Variants in NAPG observed in about 807,000 individuals in gnomAD.
The protein encoded by NAPG is NSF attachment protein gamma.
NAPG carries 25 observed loss-of-function variants against 48.4 expected under a neutral mutation model. That is an observed-to-expected ratio of 0.52 (90% CI 0.38 to 0.72). The LOEUF is 0.72. Ranked by LOEUF, NAPG falls within the 30% of genes least tolerant of loss-of-function variation. NAPG has a pLI of 0.00. For missense variants in NAPG, 359 were observed against 372.5 expected (o/e 0.96, Z 0.30); for synonymous variants, 139 against 127.2 (o/e 1.09, Z -0.62).
intron 2 of NAPG, among the ~76,000 whole-genome samples, chr18:10,532,090 C>T (rs1046061379): frequency 6.6e-6 from 1 of 152,086 alleles, no homozygotes; most frequent in Non-Finnish European, 1.5e-5. Context: ...TTTGTAAGAT[C>T]ATATGTTATA....
At position 10,546,723 on chromosome 18, in the gene NAPG, C is replaced by G. The variant is rs1295939676; in HGVS notation, c.585+319C>G. On this transcript the variant is annotated intron_variant, in intron 9 of 11. Coordinates refer to ENST00000322897, the MANE Select transcript of NAPG (RefSeq NM_003826.3). This position sits in a 1 kb window ranked among gnomAD's most constrained non-coding sequence, Gnocchi z 4.0. ...AGTTTCTCGGGTTTTTTTCCATTTCCTCTTGCAGCATTCATTGCCCTGCCC... is the reference window on the plus strand; with the variant it reads ...AGTTTCTCGGGTTTTTTTCCATTTCGTCTTGCAGCATTCATTGCCCTGCCC... Among the ~76,000 whole-genome samples, 3 of 152,176 alleles carry G rather than the reference C, an allele frequency of 2.0e-5. No homozygotes were observed. The highest frequency in any genetic ancestry group is 7.2e-5 in the African/African-American group (3 of 41,446).
Position 10,546,400 on chromosome 18 carries a change from A to T in NAPG, c.581A>T (p.Tyr194Phe), listed in dbSNP as rs369948664. ...GAAATTGAGAATTATCCAACTTGTT[A>T]TAAGGTATTCTTTGAAAGTGTTTGT... is the stretch of plus-strand genomic sequence containing the variant. ...YKEIENYPTC[Y>F]KKTIAQVLVH... The change falls in exon 9 of 12, where the codon TAT (tyrosine) becomes TTT (phenylalanine). Residue 194 changes from tyrosine (Y) to phenylalanine (F), a missense_variant. Transcript: ENST00000322897. The surrounding 1 kb of genome is among the most constrained non-coding windows in gnomAD (Gnocchi z 4.0). 6.6e-7 allele frequency: 1 copy of T among 1,525,048 alleles called. No homozygotes were observed. The highest frequency in any genetic ancestry group is 1.4e-5 in the African/African-American group (1 of 72,636). 94.5% of individuals were successfully genotyped at this position (1,525,048 alleles called of 1,614,324 possible).
chr18:10,537,986 C>T (rs183702101), intron 5 of NAPG, among the ~76,000 whole-genome samples: 4 of 152,266 alleles, frequency 2.6e-5, no homozygotes, highest in African/African-American at 9.6e-5. Context: ...GTAAACCACC[C>T]ATGAGATGTC....
chr18:10,533,088 A>G (rs1412895401), intron 3 of NAPG: 3 of 320,910 alleles, frequency 9.3e-6, no homozygotes, highest in Non-Finnish European at 1.7e-5. Context: ...TGTGCTGAAG[A>G]ATGAAGAAGT....
chr18:10,534,374 T>C lies in NAPG; in HGVS notation c.228-92T>C. Reference sequence around the variant, plus strand: ...GTGCATGAGCCCATTGTAATTGAAGTCACTTTCCTTACCAGTAGTTCCTCA... The same window carrying C: ...GTGCATGAGCCCATTGTAATTGAAGCCACTTTCCTTACCAGTAGTTCCTCA... On this transcript the variant is annotated intron_variant, in intron 4 of 11. Transcript: ENST00000322897. This position sits in a 1 kb window ranked among gnomAD's most constrained non-coding sequence, Gnocchi z 5.0. The C allele has an allele frequency of 1.0e-6, 1 of 988,502 alleles. No homozygotes were observed. The highest frequency in any genetic ancestry group is 1.6e-6 in the Non-Finnish European group (1 of 621,754). The allele number at this position is 988,502 out of a possible 1,614,324, so 61.2% of individuals were successfully genotyped here. A position where few individuals can be genotyped will look rare whatever the true frequency, so the allele number is the denominator to read the frequency against.
Position 10,546,171 on chromosome 18 carries a change from G to A in NAPG, c.507-155G>A, listed in dbSNP as rs966011035. ...GACATTTGAAAGGTAAGCCAGATGAGCAGAGCATGTGGAAACCTGGGTCCT... is the reference window on the plus strand; with the variant it reads ...GACATTTGAAAGGTAAGCCAGATGAACAGAGCATGTGGAAACCTGGGTCCT... On this transcript the variant is annotated intron_variant, in intron 8 of 11. Transcript: ENST00000322897. The surrounding 1 kb of genome is among the most constrained non-coding windows in gnomAD (Gnocchi z 4.0). Among the ~76,000 whole-genome samples, 1 of 152,126 alleles carries A rather than the reference G, an allele frequency of 6.6e-6. No homozygotes were observed. Among genetic ancestry groups the A allele is most frequent in the Non-Finnish European group, 1.5e-5 (1 of 68,022 alleles).
rs533997006 is a variant in NAPG, at chr18:10,552,637, A to G, written c.*2417A>G. 5 of 152,358 alleles carry G rather than the reference A, an allele frequency of 3.3e-5. No individual in the cohort carries two copies. The South Asian group carries it at 1.0e-3, about 32-fold the overall frequency. The allele number at this position is 152,358 out of a possible 1,614,324, so 9.4% of individuals were successfully genotyped here. On this transcript the variant is annotated 3_prime_UTR_variant, in exon 12 of 12. Coordinates refer to ENST00000322897, the MANE Select transcript of NAPG (RefSeq NM_003826.3). ...CATATGCAGAGTACGGTATTTCTGT[A>G]TGGAATCTGCTTTATTCCTATTTTT... is the stretch of plus-strand genomic sequence containing the variant.
At chr18:10,530,721 T>C in intron 1 of NAPG, 49 bp from the exon 2 acceptor site, 1 of 1,273,834 alleles carries the variant, frequency 7.9e-7, no homozygotes, top group Non-Finnish European at 1.1e-6. Flanking sequence ...GAGATCTGAC[T>C]TATAAATGTG....
intron 1 of NAPG, chr18:10,526,753 C>G (rs1181498915): frequency 6.5e-6 from 1 of 152,770 alleles, no homozygotes; most frequent in African/African-American, 2.4e-5. Context: ...TATGTCCTGC[C>G]ACCTCTGGTA....
chr18:10,546,456 C>A lies in NAPG; in HGVS notation c.585+52C>A. 9.5e-7 allele frequency: 1 copy of A among 1,053,668 alleles called. No individual in the cohort carries two copies. Among genetic ancestry groups the A allele is most frequent in the Non-Finnish European group, 1.4e-6 (1 of 721,730 alleles). 65.3% of individuals were successfully genotyped at this position (1,053,668 alleles called of 1,614,324 possible). On this transcript the variant is annotated intron_variant, in intron 9 of 11. Coordinates refer to ENST00000322897, the MANE Select transcript of NAPG (RefSeq NM_003826.3). This position sits in a 1 kb window ranked among gnomAD's most constrained non-coding sequence, Gnocchi z 4.0. Reference sequence around the variant, plus strand: ...GTATTACATTAGATGATTTTTTATACTGGTATGAATAAGTACTTAAGAAAG... The same window carrying A: ...GTATTACATTAGATGATTTTTTATAATGGTATGAATAAGTACTTAAGAAAG...
At position 10,546,359 on chromosome 18, in the gene NAPG, A is replaced by G; in HGVS notation, c.540A>G (p.Glu180=). ...AGGCGGCACTCTCTATTCAGAAAGA[A>G]AAAAATATTTATAAGGAAATTGAGA... The part of the protein sequence containing the change: ...FDEAALSIQK[E]KNIYKEIENY... Residue 180 remains glutamate (E), a synonymous_variant, in exon 9 of 12, where the codon GAA becomes GAG. Transcript: ENST00000322897. This position sits in a 1 kb window ranked among gnomAD's most constrained non-coding sequence, Gnocchi z 4.0. The G allele has an allele frequency of 6.3e-7, 1 of 1,581,134 alleles. No individual in the cohort carries two copies. Among genetic ancestry groups the G allele is most frequent in the Non-Finnish European group, 8.6e-7 (1 of 1,160,062 alleles).
rs553319974 is a variant in NAPG at position 10,548,841 on chromosome 18, C to G, written c.666-126C>G. On this transcript the variant is annotated intron_variant, in intron 10 of 11. Coordinates refer to ENST00000322897, the MANE Select transcript of NAPG (RefSeq NM_003826.3). The surrounding 1 kb of genome is among the most constrained non-coding windows in gnomAD (Gnocchi z 4.4). ...GTCTCTGCCCTCTAGATGCCACTAG[C>G]ATTCCCACACTTTTAAGTACCAAAA... is the stretch of plus-strand genomic sequence containing the variant. 1.3e-4 allele frequency: 156 copies of G among 1,204,370 alleles called. 1 individual carries two copies. The African/African-American group carries it at 2.0e-3, about 15-fold the overall frequency. The allele number at this position is 1,204,370 out of a possible 1,614,324, so 74.6% of individuals were successfully genotyped here.
At chr18:10,537,728 T>G (rs191502949) in intron 5 of NAPG, among the ~76,000 whole-genome samples, 1 of 152,248 alleles carries the variant, frequency 6.6e-6, no homozygotes, top group Non-Finnish European at 1.5e-5. Context: ...TCATTGACTT[T>G]TGGTTTTATA....
At chr18:10,527,075 C>A (rs984391807) in intron 1 of NAPG, among the ~76,000 whole-genome samples, 1 of 151,374 alleles carries the variant, frequency 6.6e-6, no homozygotes, top group East Asian at 1.9e-4. Flanking sequence ...GTAGTCCCAG[C>A]TACTCGGGAG....
chr18:10,532,258 A>G (rs1228950952), intron 2 of NAPG, among the ~76,000 whole-genome samples: 1 of 152,194 alleles, frequency 6.6e-6, no homozygotes, highest in African/African-American at 2.4e-5. Context: ...ATTGTGCCAA[A>G]AGGAAGGTTT....
chr18:10,537,371 T>A (rs1567890334), intron 5 of NAPG, among the ~76,000 whole-genome samples: 1 of 152,214 alleles, frequency 6.6e-6, no homozygotes, highest in Non-Finnish European at 1.5e-5. Context: ...AAGAAAATAT[T>A]AAGAAAATCG....
chr18:10,533,002 A>G (rs1280789129), intron 3 of NAPG: 5 of 462,484 alleles, frequency 1.1e-5, no homozygotes, highest in Non-Finnish European at 1.9e-5. Context: ...CAGAGCTACA[A>G]TACTTACTTT....
At position 10,542,689 on chromosome 18, in the gene NAPG, G is replaced by A. The variant is rs2032180491; in HGVS notation, c.506+2290G>A. Among the ~76,000 whole-genome samples the A allele has an allele frequency of 6.6e-6, 1 of 152,152 alleles. No individual in the cohort carries two copies. On this transcript the variant is annotated intron_variant, in intron 8 of 11. Coordinates refer to ENST00000322897, the MANE Select transcript of NAPG (RefSeq NM_003826.3). The surrounding 1 kb of genome is among the most constrained non-coding windows in gnomAD (Gnocchi z 4.5). The stretch of plus-strand genomic sequence containing the variant: ...TGTTATATTTAGTTAGTGCACTTAT[G>A]TTTTTACATTAACATGAGTCCATAA...
rs1242422841 is a variant in NAPG, at chr18:10,542,318, T to G, written c.506+1919T>G. Among the ~76,000 whole-genome samples, 1 of 152,114 alleles carries G rather than the reference T, an allele frequency of 6.6e-6. No homozygotes were observed. Among genetic ancestry groups the G allele is most frequent in the African/African-American group, 2.4e-5 (1 of 41,426 alleles). Reference sequence around the variant, plus strand: ...ATGTTATGGAAATATATTTTTGAAGTGTATTAACAATATAAAAATTAATTT... The same window carrying G: ...ATGTTATGGAAATATATTTTTGAAGGGTATTAACAATATAAAAATTAATTT... On this transcript the variant is annotated intron_variant, in intron 8 of 11. Transcript: ENST00000322897. This position sits in a 1 kb window ranked among gnomAD's most constrained non-coding sequence, Gnocchi z 4.5.
Sources: gnomAD v4.1 joint callset for allele counts (sites outside exome capture counted in the v4.1 genomes callset) on GRCh38, gnomAD v4.1.1 for gene constraint, Gnocchi (gnomAD v3.1) non-coding constraint, MANE v1.5 for transcripts, NCBI Gene and HGNC (gene_info 2026-07-23, HGNC 2026-07-21) for gene names.